UTRN: variants seen among roughly 807,000 people sequenced by gnomAD.
UTRN encodes dystrophin-related protein 1.
Under a neutral mutation model 463.9 loss-of-function variants are expected in UTRN, and 283 were observed. The ratio of observed to expected loss-of-function variants is 0.61; its 90% CI spans 0.55 to 0.67. The LOEUF (loss-of-function observed/expected upper bound fraction) is 0.67. UTRN is among the 30% of genes least tolerant of loss of function. UTRN has a pLI of 0.00. For synonymous variants in UTRN, 1,442 were observed against 1,431.5 expected, an observed-to-expected ratio of 1.01 and a Z score of -0.17; for missense variants, 3,922 against 4,084.3, an observed-to-expected ratio of 0.96 and a Z score of 1.08.
chr6:144,798,680 GA>G (rs980753933), intron 64 of UTRN, among the ~76,000 whole-genome samples: 52 of 152,220 alleles, frequency 3.4e-4, no homozygotes, highest in African/African-American at 1.3e-3. Flanking sequence ...GTTTAATTTG[GA>G]AATCTATTAT....
intron 65 of UTRN, among the ~76,000 whole-genome samples, chr6:144,816,588 G>T (rs1165493622): frequency 6.6e-6 from 1 of 151,784 alleles, no homozygotes; most frequent in Non-Finnish European, 1.5e-5. Context: ...CAAATAGCTG[G>T]CAATTTTTAT....
intron 52 of UTRN, among the ~76,000 whole-genome samples, chr6:144,691,937 T>C (rs1356820721): frequency 2.0e-5 from 3 of 152,214 alleles, no homozygotes; most frequent in Non-Finnish European, 2.9e-5. Context: ...AGGTTTGTTA[T>C]ATAGGTAAAC....
At chr6:144,595,402 C>T (rs1378975330) in intron 51 of UTRN, among the ~76,000 whole-genome samples, 1 of 152,202 alleles carries the variant, frequency 6.6e-6, no homozygotes, top group Non-Finnish European at 1.5e-5. Flanking sequence ...GTGACTAACT[C>T]AAACTTCTGT....
chr6:144,817,163 C>T (rs1198846367), intron 65 of UTRN, among the ~76,000 whole-genome samples: 1 of 152,072 alleles, frequency 6.6e-6, no homozygotes, highest in South Asian at 2.1e-4. Context: ...GCTTCAAAAA[C>T]CTGATGATAA....
intron 52 of UTRN, among the ~76,000 whole-genome samples, chr6:144,682,769 TG>T (rs1304180934): frequency 6.6e-6 from 1 of 152,200 alleles, no homozygotes; most frequent in East Asian, 1.9e-4. Context: ...TAAAATAGCA[TG>T]TTTGTTATTA....
intron 25 of UTRN, among the ~76,000 whole-genome samples, chr6:144,478,099 C>T (rs1284246548): frequency 6.6e-6 from 1 of 152,016 alleles, no homozygotes; most frequent in Non-Finnish European, 1.5e-5. Context: ...TAGTTTTGGA[C>T]AAACATAATT....
intron 51 of UTRN, among the ~76,000 whole-genome samples, chr6:144,630,776 C>T (rs997650431): frequency 6.6e-6 from 1 of 152,032 alleles, no homozygotes; most frequent in Non-Finnish European, 1.5e-5. Context: ...GGTTTGTAGT[C>T]CTGAAGATTA....
intron 58 of UTRN, among the ~76,000 whole-genome samples, chr6:144,761,883 G>A (rs887524439): frequency 6.6e-6 from 1 of 152,056 alleles, no homozygotes; most frequent in Non-Finnish European, 1.5e-5. Flanking sequence ...CTTTCTTAAT[G>A]CATCACATTA....
Position 144,686,080 on chromosome 6 carries a change from G to A in UTRN, c.7652+7502G>A, listed in dbSNP as rs9376839. ...TGTTGAGTTGATTTTTGTATATAGT[G>A]AGAAATAGGAATTCAGTTTCATTCT... On this transcript the variant is annotated intron_variant, in intron 52 of 74. Coordinates refer to ENST00000367545, the MANE Select transcript of UTRN (RefSeq NM_007124.3). Among the ~76,000 whole-genome samples the A allele has an allele frequency of 3.5e-3, 531 of 152,134 alleles. 21 individuals carry two copies. The East Asian group carries it at 0.067, about 19-fold the overall frequency.
intron 53 of UTRN, among the ~76,000 whole-genome samples, chr6:144,720,516 C>A (rs559993495): frequency 6.6e-6 from 1 of 152,194 alleles, no homozygotes; most frequent in Non-Finnish European, 1.5e-5. Context: ...CTTAGACATT[C>A]TGTTGAGAAT....
At chr6:144,490,347 C>A in intron 31 of UTRN, 148 bp downstream of exon 31, 4 of 1,148,168 alleles carry the variant, frequency 3.5e-6, no homozygotes, top group Non-Finnish European at 3.6e-6. Context: ...AGGTTGCATC[C>A]TAGGGCAGCA....
intron 2 of UTRN, among the ~76,000 whole-genome samples, chr6:144,348,932 C>G (rs1209997984): frequency 6.7e-6 from 1 of 148,624 alleles, no homozygotes; most frequent in Non-Finnish European, 1.5e-5. Context: ...GAAACTCCAT[C>G]TCAAAAAAAA....
At chr6:144,511,663 CTTAAA>C (rs1795183518) in intron 35 of UTRN, among the ~76,000 whole-genome samples, 1 of 152,086 alleles carries the variant, frequency 6.6e-6, no homozygotes. Flanking sequence ...ATGTAGTGCT[CTTAAA>C]TAACTATATG....
chr6:144,512,211 T>A (rs1324654724), intron 35 of UTRN, among the ~76,000 whole-genome samples: 2 of 152,180 alleles, frequency 1.3e-5, no homozygotes, highest in East Asian at 3.8e-4. Context: ...AATATGAGAT[T>A]CTTGGCACAT....
At chr6:144,822,013 G>C (rs961382033) in intron 66 of UTRN, among the ~76,000 whole-genome samples, 1 of 152,056 alleles carries the variant, frequency 6.6e-6, no homozygotes, top group African/African-American at 2.4e-5. Flanking sequence ...AGAGAAAATT[G>C]TAGTAAGAAG....
chr6:144,405,363 G>A (rs183956695), intron 3 of UTRN, among the ~76,000 whole-genome samples: 1 of 152,272 alleles, frequency 6.6e-6, no homozygotes, highest in African/African-American at 2.4e-5. Context: ...GATAGTGAAA[G>A]AGGGAGTAAC....
At chr6:144,632,086 G>T (rs1478803108) in intron 51 of UTRN, among the ~76,000 whole-genome samples, 1 of 152,138 alleles carries the variant, frequency 6.6e-6, no homozygotes, top group Non-Finnish European at 1.5e-5. Flanking sequence ...ATTCTGTGGG[G>T]ACCATCTAGC....
intron 2 of UTRN, 124 bp downstream of exon 2, chr6:144,292,031 AT>A: frequency 1.1e-6 from 1 of 883,844 alleles, no homozygotes; most frequent in Non-Finnish European, 1.6e-6. Flanking sequence ...AAGAAACTGA[AT>A]TCTGACAAAT....
intron 51 of UTRN, among the ~76,000 whole-genome samples, chr6:144,613,592 A>G: frequency 6.6e-6 from 1 of 152,066 alleles, no homozygotes; most frequent in East Asian, 1.9e-4. Flanking sequence ...GGTTATGGAA[A>G]GCAGTTCAAT....
Sources: allele counts gnomAD v4.1 joint callset (sites outside exome capture counted in the v4.1 genomes callset), GRCh38; gene constraint gnomAD v4.1.1; transcripts MANE v1.5; gene names NCBI Gene and HGNC (gene_info 2026-07-23, HGNC 2026-07-21).